The following PSMG1 variants were observed in gnomAD, a reference collection of about 807,000 sequenced individuals.
The protein encoded by PSMG1 is Down syndrome critical region gene 2.
Under a neutral mutation model 37.2 loss-of-function variants are expected in PSMG1, and 23 were observed. The ratio of observed to expected loss-of-function variants is 0.62; its 90% CI spans 0.44 to 0.88. The LOEUF (loss-of-function observed/expected upper bound fraction) is 0.88, where lower values mean the gene tolerates loss of function less well. PSMG1 is among the 40% of genes least tolerant of loss of function. The pLI, the probability that PSMG1 is intolerant of heterozygous loss-of-function variation, is 0.00. For missense variants in PSMG1, 340 were observed against 344.2 expected (o/e 0.99, Z 0.10); for synonymous variants, 127 against 128.0 (o/e 0.99, Z 0.05).
Position 39,183,272 on chromosome 21 carries a change from A to C in PSMG1, c.114T>G (p.Arg38=). 1 of 1,586,402 alleles carries C rather than the reference A, an allele frequency of 6.3e-7. No individual in the cohort carries two copies. Among genetic ancestry groups the C allele is most frequent in the African/African-American group, 1.4e-5 (1 of 72,348 alleles). Residue 38 remains arginine (R), a synonymous_variant, in exon 1 of 7, where the codon CGT becomes CGG. Coordinates refer to ENST00000331573, the MANE Select transcript of PSMG1 (RefSeq NM_003720.4). ...CTCACCTCTTCCGCGCCAGCTGCAG[A>C]CGCACCTCCCTGTCCTCGGGCGTCT... ...RRETPEDREV[R]LQLARKREVR...
Position 39,175,638 on chromosome 21 carries a change from T to C in PSMG1, c.819A>G (p.Leu273=), listed in dbSNP as rs759482225. ...VKNIPQSTEI[L]KKLMTTNEIQ... Reference sequence around the variant, plus strand: ...TCTCATTTGTTGTCATCAATTTCTTTAGTATCTCAGTGCTTTGGGGAATAT... The same window carrying C: ...TCTCATTTGTTGTCATCAATTTCTTCAGTATCTCAGTGCTTTGGGGAATAT... Residue 273 remains leucine, a synonymous_variant, in exon 7 of 7, where the codon CTA becomes CTG. Transcript: ENST00000331573. The C allele has an allele frequency of 3.8e-6, 6 of 1,589,798 alleles. No homozygotes were observed. In the African/African-American group the frequency reaches 4.0e-5, roughly 11 times the overall value.
intron 4 of PSMG1, among the ~76,000 whole-genome samples, chr21:39,179,673 T>TGG (rs2030753598): frequency 6.6e-6 from 1 of 151,878 alleles, no homozygotes; most frequent in Non-Finnish European, 1.5e-5. Context: ...TCCTCAATGC[T>TGG]GAGGACCAAC....
chr21:39,182,995 G>T (rs1292866487), intron 1 of PSMG1: 9 of 444,994 alleles, frequency 2.0e-5, no homozygotes, highest in Non-Finnish European at 3.2e-5. Flanking sequence ...TTTGAACCCA[G>T]CCCTCCCACA....
rs529818441 is a variant in PSMG1, at chr21:39,181,907, G to A, written c.135-29C>T. ...ACACAAGAAACAAGATGAAACTAAA[G>A]CAACTTCAATATAAACAGTATCATG... On this transcript the variant is annotated intron_variant, in intron 1 of 6. Coordinates refer to ENST00000331573, the MANE Select transcript of PSMG1 (RefSeq NM_003720.4). 4 of 1,498,334 alleles carry A rather than the reference G, an allele frequency of 2.7e-6. No homozygotes were observed. The African/African-American group carries it at 5.7e-5, about 21-fold the overall frequency. The allele number at this position is 1,498,334 out of a possible 1,614,324, so 92.8% of individuals were successfully genotyped here.
chr21:39,182,873 C>T (rs2030907525), intron 1 of PSMG1, among the ~76,000 whole-genome samples: 1 of 152,184 alleles, frequency 6.6e-6, no homozygotes, highest in African/African-American at 2.4e-5. Context: ...GTGGGGCCCG[C>T]GGGAGCGCTG....
rs1405054411 is a variant in PSMG1 at position 39,178,654 on chromosome 21, T to C, written c.457-7A>G. On this transcript the variant is annotated splice_region_variant and splice_polypyrimidine_tract_variant and intron_variant, in intron 4 of 6. Transcript: ENST00000331573. ...TTGGACAAGAGCCAAAAACCTAACA[T>C]AAAATTTATTTCAAATTAAAAAAAA... is the stretch of plus-strand genomic sequence containing the variant. 1 of 1,605,600 alleles carries C rather than the reference T, an allele frequency of 6.2e-7. No homozygotes were observed. Among genetic ancestry groups the C allele is most frequent in the Non-Finnish European group, 8.5e-7 (1 of 1,176,266 alleles).
intron 5 of PSMG1, among the ~76,000 whole-genome samples, chr21:39,177,862 A>G (rs1265884252): frequency 2.6e-5 from 4 of 152,214 alleles, no homozygotes; most frequent in African/African-American, 9.6e-5. Flanking sequence ...ATAATAAAGC[A>G]TATAAATAAC....
intron 5 of PSMG1, 111 bp from the exon 6 acceptor site, chr21:39,177,682 T>A: frequency 1.2e-6 from 1 of 817,074 alleles, no homozygotes; most frequent in Non-Finnish European, 1.7e-6. Context: ...CTCAGCTGCC[T>A]CTTTCAATCA....
chr21:39,178,257 A>G (rs943743383), intron 5 of PSMG1, among the ~76,000 whole-genome samples, 192 bp downstream of exon 5: 1 of 152,220 alleles, frequency 6.6e-6, no homozygotes, highest in Non-Finnish European at 1.5e-5. Flanking sequence ...AGCTCCTCAA[A>G]TAACTGTGTC....
chr21:39,179,973 T>G lies in PSMG1; in HGVS notation c.407A>C (p.Gln136Pro). ...ATCTTCTGCAACATAGCAACTGCAC[T>G]GACAGAGAAAAACCTGAAAAGTCAA... ...LKSNPSVFLCQCSCYVAEDQQ... is the reference protein window; with the variant it reads ...LKSNPSVFLCPCSCYVAEDQQ... Residue 136 changes from glutamine (Q) to proline (P), a missense_variant, in exon 4 of 7, where the codon CAG becomes CCG. By Grantham distance (76) the Gln-to-Pro change is moderately conservative. Coordinates refer to ENST00000331573, the MANE Select transcript of PSMG1 (RefSeq NM_003720.4). 2 of 1,612,918 alleles carry G rather than the reference T, an allele frequency of 1.2e-6. No homozygotes were observed. The highest frequency in any genetic ancestry group is 8.5e-7 in the Non-Finnish European group (1 of 1,179,930).
chr21:39,179,563 C>G (rs2030747594), intron 4 of PSMG1, among the ~76,000 whole-genome samples: 1 of 152,090 alleles, frequency 6.6e-6, no homozygotes, highest in African/African-American at 2.4e-5. Context: ...TGATAGATTT[C>G]TAAGAACCCT....
At chr21:39,179,543 A>C (rs762685940) in intron 4 of PSMG1, among the ~76,000 whole-genome samples, 1 of 152,186 alleles carries the variant, frequency 6.6e-6, no homozygotes, top group Non-Finnish European at 1.5e-5. Flanking sequence ...TAAGTAGAAG[A>C]GTCTGGATTT....
At chr21:39,177,131 A>T (rs1045253997) in intron 6 of PSMG1, among the ~76,000 whole-genome samples, 62 of 152,346 alleles carry the variant, frequency 4.1e-4, no homozygotes, top group African/African-American at 1.1e-3. Context: ...AAAATTTTTT[A>T]AAAAACCTTG....
rs552204013 is a variant in PSMG1 at position 39,181,293 on chromosome 21, G to T, written c.241+479C>A. Among the ~76,000 whole-genome samples, 357 of 152,072 alleles carry T rather than the reference G, an allele frequency of 2.3e-3. 8 individuals are homozygous for T. Among genetic ancestry groups the T allele is most frequent in the Middle Eastern group, 0.014 (4 of 294 alleles). On this transcript the variant is annotated intron_variant, in intron 2 of 6. Transcript: ENST00000331573. ...CAGGACTACAGGCAAGCACCACCATGCCTGGCTTCATTTTTTTATTTTTTG... is the reference window on the plus strand; with the variant it reads ...CAGGACTACAGGCAAGCACCACCATTCCTGGCTTCATTTTTTTATTTTTTG...
Position 39,177,481 on chromosome 21 carries a change from G to T in PSMG1, c.746C>A (p.Ala249Asp). The T allele has an allele frequency of 8.1e-6, 13 of 1,607,248 alleles. No individual in the cohort carries two copies. Among genetic ancestry groups the T allele is most frequent in the Non-Finnish European group, 1.1e-5 (13 of 1,177,416 alleles). The change falls in exon 6 of 7, where the codon GCT (alanine) becomes GAT (aspartate). Residue 249 changes from alanine (A) to aspartate (D), a missense_variant. Ala to Asp is a moderately radical substitution (Grantham distance 126). Transcript: ENST00000331573. The part of the protein sequence containing the change: ...VMKLDLITVE[A>D]FKPILSTRSL... Reference sequence around the variant, plus strand: ...TCTGGTAGAAAGTATAGGCTTAAAAGCTTCCACTGTGATTAGGTCTAATTT... The same window carrying T: ...TCTGGTAGAAAGTATAGGCTTAAAATCTTCCACTGTGATTAGGTCTAATTT...
intron 3 of PSMG1, 71 bp downstream of exon 3, chr21:39,180,214 G>A (rs2030775211): frequency 9.4e-6 from 14 of 1,493,300 alleles, no homozygotes; most frequent in Non-Finnish European, 1.3e-5. Context: ...CCATACTAAA[G>A]TATACTACCA....
Position 39,177,487 on chromosome 21 carries a change from A to C in PSMG1, c.740T>G (p.Val247Gly), listed in dbSNP as rs779492117. The change falls in exon 6 of 7, where the codon GTG (valine) becomes GGG (glycine). Residue 247 changes from valine to glycine, a missense_variant. Physicochemically the swap from Val to Gly is moderately radical, Grantham distance 109. Coordinates refer to ENST00000331573, the MANE Select transcript of PSMG1 (RefSeq NM_003720.4). ...AGAAAGTATAGGCTTAAAAGCTTCCACTGTGATTAGGTCTAATTTCATCAC... is the reference window on the plus strand; with the variant it reads ...AGAAAGTATAGGCTTAAAAGCTTCCCCTGTGATTAGGTCTAATTTCATCAC... ...TDVMKLDLIT[V>G]EAFKPILSTR... 2 of 1,608,558 alleles carry C rather than the reference A, an allele frequency of 1.2e-6. No individual in the cohort carries two copies. Among genetic ancestry groups the C allele is most frequent in the African/African-American group, 1.3e-5 (1 of 74,750 alleles).
intron 3 of PSMG1, 67 bp from the exon 4 acceptor site, chr21:39,180,053 A>G: frequency 6.8e-7 from 1 of 1,479,074 alleles, no homozygotes; most frequent in Non-Finnish European, 9.4e-7. Context: ...ATCACCATAT[A>G]TGTAACATGT....
chr21:39,183,431 G>T lies in PSMG1; in HGVS notation c.-46C>A, dbSNP rs1227287764. ...GACACAACTGCAGCGCCGCGGGACC[G>T]CACGCCGGCTTGCGCGAGACCACGC... On this transcript the variant is annotated 5_prime_UTR_variant, in exon 1 of 7. Coordinates refer to ENST00000331573, the MANE Select transcript of PSMG1 (RefSeq NM_003720.4). 83 of 1,527,568 alleles carry T rather than the reference G, an allele frequency of 5.4e-5. No homozygotes were observed. The highest frequency in any genetic ancestry group is 1.7e-4 in the Middle Eastern group (1 of 5,852). 94.6% of individuals were successfully genotyped at this position (1,527,568 alleles called of 1,614,324 possible). A position where few individuals can be genotyped will look rare whatever the true frequency, so the allele number is the denominator to read the frequency against.
Sources: gnomAD v4.1 joint callset for allele counts (sites outside exome capture counted in the v4.1 genomes callset) on GRCh38, gnomAD v4.1.1 for gene constraint, MANE v1.5 for transcripts, NCBI Gene and HGNC (gene_info 2026-07-23, HGNC 2026-07-21) for gene names.